TAS2R31: variants seen among roughly 807,000 people sequenced by gnomAD.
TAS2R31 encodes the protein taste 2 receptor member 31, also known as taste receptor type 2 member 31.
For missense variants in TAS2R31, 352 were observed against 347.4 expected (o/e 1.01, Z -0.10); for synonymous variants, 118 against 131.4 (o/e 0.90, Z 0.70).
In TAS2R31 at chr12:11,031,081, A is replaced by G. The variant is rs1283645972; in HGVS notation, c.255T>C (p.Tyr85=). The change falls in exon 1 of 1, where the codon TAT becomes TAC. Residue 85 remains tyrosine (Y), a synonymous_variant. Transcript: ENST00000390675. The part of the protein sequence containing the change: ...FYSVEVRTTA[Y]NVWAVTGHFS... ...AATGGCCGGTTACTGCCCAGACATT[A>G]TAAGCAGTAGTTCTTACTTCTACAC... The G allele has an allele frequency of 3.7e-6, 6 of 1,614,174 alleles. No individual in the cohort carries two copies. Among genetic ancestry groups the G allele is most frequent in the African/African-American group, 1.3e-5 (1 of 74,956 alleles).
chr12:11,031,277 C>T lies in TAS2R31; in HGVS notation c.59G>A (p.Gly20Glu). Reference protein sequence around the residue: ...SSVVVVLFVIGNFANGFIALV... With the variant: ...SSVVVVLFVIENFANGFIALV... ...TGCTATGAAGCCATTAGCAAAATTTCCAATAACAAATAGAACCACTACCAC... is the reference window on the plus strand; with the variant it reads ...TGCTATGAAGCCATTAGCAAAATTTTCAATAACAAATAGAACCACTACCAC... Residue 20 changes from glycine (G) to glutamate (E), a missense_variant, in exon 1 of 1, where the codon GGA (glycine) becomes GAA (glutamate). Physicochemically the swap from Gly to Glu is moderately conservative, Grantham distance 98 (BLOSUM62 -2). Transcript: ENST00000390675. 2 of 1,613,882 alleles carry T rather than the reference C, an allele frequency of 1.2e-6. No individual in the cohort carries two copies. Among genetic ancestry groups the T allele is most frequent in the Non-Finnish European group, 1.7e-6 (2 of 1,179,884 alleles).
In TAS2R31 at chr12:11,031,264, A is replaced by G. The variant is rs367891409; in HGVS notation, c.72T>C (p.Asn24=). Residue 24 remains asparagine, a synonymous_variant, in exon 1 of 1, where the codon AAT becomes AAC. Transcript: ENST00000390675. ...VVLFVIGNFA[N]GFIALVNSIE... ...TGGAATTTACCAATGCTATGAAGCC[A>G]TTAGCAAAATTTCCAATAACAAATA... is the stretch of plus-strand genomic sequence containing the variant. 191 of 1,613,960 alleles carry G rather than the reference A, an allele frequency of 1.2e-4. No individual in the cohort carries two copies. The highest frequency in any genetic ancestry group is 2.5e-4 in the Admixed American group (15 of 60,006).
rs774681705 is a variant in TAS2R31, at chr12:11,030,886, T to C, written c.450A>G (p.Lys150=). The change falls in exon 1 of 1, where the codon AAA becomes AAG. Residue 150 remains lysine (K), a synonymous_variant. Coordinates refer to ENST00000390675, the MANE Select transcript of TAS2R31 (RefSeq NM_176885.2). ...CATATTCTTTTGTCCGTACAATCTCTTTCATGTTTATCACAAAAAGTTGAC... is the reference window on the plus strand; with the variant it reads ...CATATTCTTTTGTCCGTACAATCTCCTTCATGTTTATCACAAAAAGTTGAC... ...LACQLFVINM[K]EIVRTKEYEG... is the part of the protein sequence containing the mutation. 4 of 1,475,780 alleles carry C rather than the reference T, an allele frequency of 2.7e-6. No individual in the cohort carries two copies. The highest frequency in any genetic ancestry group is 2.5e-5 in the East Asian group (1 of 39,328). The allele number at this position is 1,475,780 out of a possible 1,614,324, so 91.4% of individuals were successfully genotyped here.
chr12:11,030,434 AC>A, the TAS2R31 span: 1 of 1,614,204 alleles, frequency 6.2e-7, no homozygotes, highest in Non-Finnish European at 8.5e-7. Context: ...CTCTCCTTTC[AC>A]CCAGTACCTC....
At position 11,031,309 on chromosome 12, in the gene TAS2R31, A is replaced by G. The variant is rs746494102; in HGVS notation, c.27T>C (p.Phe9=). The G allele has an allele frequency of 6.2e-7, 1 of 1,613,660 alleles. No individual in the cohort carries two copies. Among genetic ancestry groups the G allele is most frequent in the South Asian group, 1.1e-5 (1 of 91,046 alleles). ...CAAATAGAACCACTACCACACTGGA[A>G]AAAATGATGGGTATAAAAGTTGTCA... MTTFIPII[F]SSVVVVLFVI... The change falls in exon 1 of 1, where the codon TTT becomes TTC. Residue 9 remains phenylalanine, a synonymous_variant. Coordinates refer to ENST00000390675, the MANE Select transcript of TAS2R31 (RefSeq NM_176885.2).
Position 11,030,395 on chromosome 12 carries a change from C to T in TAS2R31, c.*11G>A, listed in dbSNP as rs936733762. ...TTCTGCTAGAAGACACACAATGCCC[C>T]TCTCATGAATCTATGGAGATGAAGG... On this transcript the variant is annotated 3_prime_UTR_variant, in exon 1 of 1. Transcript: ENST00000390675. 3 of 1,609,658 alleles carry T rather than the reference C, an allele frequency of 1.9e-6. No individual in the cohort carries two copies. Among genetic ancestry groups the T allele is most frequent in the Non-Finnish European group, 2.5e-6 (3 of 1,178,076 alleles).
In TAS2R31 at chr12:11,031,337, T is replaced by C; in HGVS notation, c.-2A>G. On this transcript the variant is annotated 5_prime_UTR_variant, in exon 1 of 1. Transcript: ENST00000390675. ...AATGATGGGTATAAAAGTTGTCATGTCTGAACAGACAAAAAAAAATTGTTT... is the reference window on the plus strand; with the variant it reads ...AATGATGGGTATAAAAGTTGTCATGCCTGAACAGACAAAAAAAAATTGTTT... The C allele has an allele frequency of 1.2e-6, 2 of 1,610,804 alleles. No homozygotes were observed. The highest frequency in any genetic ancestry group is 1.7e-6 in the Non-Finnish European group (2 of 1,179,014).
Position 11,031,212 on chromosome 12 carries a change from A to G in TAS2R31, c.124T>C (p.Ser42Pro), listed in dbSNP as rs375751426. Residue 42 changes from serine to proline, a missense_variant, in exon 1 of 1, where the codon TCT (serine) becomes CCT (proline). Physicochemically the swap from Ser to Pro is moderately conservative, Grantham distance 74. Coordinates refer to ENST00000390675, the MANE Select transcript of TAS2R31 (RefSeq NM_176885.2). ...SIERVKRQKISFADQILTALA... is the reference protein window; with the variant it reads ...SIERVKRQKIPFADQILTALA... ...GCAGTGAGAATCTGGTCAGCAAAAG[A>G]GATCTTTTGTCTCTTGACCCGCTCA... The G allele has an allele frequency of 1.2e-6, 2 of 1,614,134 alleles. No homozygotes were observed. Among genetic ancestry groups the G allele is most frequent in the South Asian group, 2.2e-5 (2 of 91,070 alleles).
chr12:11,030,700 A>G lies in TAS2R31; in HGVS notation c.636T>C (p.His212=). 2 of 1,614,210 alleles carry G rather than the reference A, an allele frequency of 1.2e-6. No individual in the cohort carries two copies. The highest frequency in any genetic ancestry group is 1.7e-6 in the Non-Finnish European group (2 of 1,180,030). Reference sequence around the variant, plus strand: ...TGCTGGGATCTTGAGATCCTTTACCATGGAGCTGCATCTTCTTGAGATGTT... The same window carrying G: ...TGCTGGGATCTTGAGATCCTTTACCGTGGAGCTGCATCTTCTTGAGATGTT... ...LCKHLKKMQL[H]GKGSQDPSTK... Residue 212 remains histidine (H), a synonymous_variant, in exon 1 of 1, where the codon CAT becomes CAC. Coordinates refer to ENST00000390675, the MANE Select transcript of TAS2R31 (RefSeq NM_176885.2).
rs760229437 is a variant in TAS2R31, at chr12:11,030,795, T to C, written c.541A>G (p.Thr181Ala). Residue 181 changes from threonine to alanine, a missense_variant, in exon 1 of 1, where the codon ACG becomes GCG. Transcript: ENST00000390675. ...AVYLSDATVT[T>A]LGNLVPFTLT... ...GTGAAGGGCACTAAGTTTCCTAGCGTGGTTACAGTCGCATCTGAAAGGTAC... is the reference window on the plus strand; with the variant it reads ...GTGAAGGGCACTAAGTTTCCTAGCGCGGTTACAGTCGCATCTGAAAGGTAC... The C allele has an allele frequency of 2.5e-6, 4 of 1,614,188 alleles. No individual in the cohort carries two copies. The highest frequency in any genetic ancestry group is 3.4e-6 in the Non-Finnish European group (4 of 1,180,018).
At position 11,030,995 on chromosome 12, in the gene TAS2R31, G is replaced by C; in HGVS notation, c.341C>G (p.Ser114Cys). 1 of 1,614,292 alleles carries C rather than the reference G, an allele frequency of 6.2e-7. No homozygotes were observed. Among genetic ancestry groups the C allele is most frequent in the Non-Finnish European group, 8.5e-7 (1 of 1,180,058 alleles). Reference protein sequence around the residue: ...IFYLLKIANFSNLIFLHLKRR... With the variant: ...IFYLLKIANFCNLIFLHLKRR... The stretch of plus-strand genomic sequence containing the variant: ...CTTTAAGTGAAGAAAAATAAGGTTG[G>C]AGAAATTGGCAATCTTGAGCAAATA... Residue 114 changes from serine to cysteine, a missense_variant, in exon 1 of 1, where the codon TCC becomes TGC. Coordinates refer to ENST00000390675, the MANE Select transcript of TAS2R31 (RefSeq NM_176885.2).
At position 11,031,275 on chromosome 12, in the gene TAS2R31, T is replaced by A. The variant is rs1463129266; in HGVS notation, c.61A>T (p.Asn21Tyr). ...AATGCTATGAAGCCATTAGCAAAAT[T>A]TCCAATAACAAATAGAACCACTACC... ...SVVVVLFVIG[N>Y]FANGFIALVN... is the part of the protein sequence containing the mutation. The change falls in exon 1 of 1, where the codon AAT becomes TAT. Residue 21 changes from asparagine to tyrosine, a missense_variant. Physicochemically the swap from Asn to Tyr is moderately radical, Grantham distance 143. Transcript: ENST00000390675. The A allele has an allele frequency of 6.2e-7, 1 of 1,613,906 alleles. No homozygotes were observed. Among genetic ancestry groups the A allele is most frequent in the Non-Finnish European group, 8.5e-7 (1 of 1,179,876 alleles).
At position 11,031,299 on chromosome 12, in the gene TAS2R31, C is replaced by A; in HGVS notation, c.37G>T (p.Val13Leu). 3.1e-6 allele frequency: 5 copies of A among 1,613,196 alleles called. No homozygotes were observed. The highest frequency in any genetic ancestry group is 4.2e-6 in the Non-Finnish European group (5 of 1,179,652). ...TTTCCAATAACAAATAGAACCACTA[C>A]CACACTGGAAAAAATGATGGGTATA... ...TFIPIIFSSV[V>L]VVLFVIGNFA... Residue 13 changes from valine to leucine, a missense_variant, in exon 1 of 1, where the codon GTA becomes TTA. Physicochemically the swap from Val to Leu is conservative, Grantham distance 32. Coordinates refer to ENST00000390675, the MANE Select transcript of TAS2R31 (RefSeq NM_176885.2).
Position 11,030,509 on chromosome 12 carries a change from G to T in TAS2R31, c.827C>A (p.Pro276Gln), listed in dbSNP as rs12318612. The part of the protein sequence containing the change: ...AIRFSYPSIH[P>Q]FILIWGNKKL... ...CTTGTTTCCCCAAATCAGGATGAATGGGTGGATTGAAGGATAGCTGAATCT... is the reference window on the plus strand; with the variant it reads ...CTTGTTTCCCCAAATCAGGATGAATTGGTGGATTGAAGGATAGCTGAATCT... The change falls in exon 1 of 1, where the codon CCA becomes CAA. Residue 276 changes from proline to glutamine, a missense_variant. Transcript: ENST00000390675. 1.2e-6 allele frequency: 2 copies of T among 1,609,796 alleles called. No individual in the cohort carries two copies. The highest frequency in any genetic ancestry group is 1.7e-6 in the Non-Finnish European group (2 of 1,176,344).
chr12:11,030,777 G>A lies in TAS2R31; in HGVS notation c.559C>T (p.Pro187Ser), dbSNP rs747080570. 7.6e-5 allele frequency: 123 copies of A among 1,614,058 alleles called. No individual in the cohort carries two copies. The highest frequency in any genetic ancestry group is 1.0e-4 in the Non-Finnish European group (120 of 1,180,040). ...AAACATAGCAGGGTCAGAGTGAAGG[G>A]CACTAAGTTTCCTAGCGTGGTTACA... ...ATVTTLGNLV[P>S]FTLTLLCFLL... Residue 187 changes from proline (P) to serine (S), a missense_variant, in exon 1 of 1, where the codon CCC becomes TCC. Physicochemically the swap from Pro to Ser is moderately conservative, Grantham distance 74. Coordinates refer to ENST00000390675, the MANE Select transcript of TAS2R31 (RefSeq NM_176885.2).
rs760444623 is a variant in TAS2R31, at chr12:11,031,194, G to A, written c.142C>T (p.Leu48Phe). 2.6e-6 allele frequency: 4 copies of A among 1,510,784 alleles called. No individual in the cohort carries two copies. Among genetic ancestry groups the A allele is most frequent in the East Asian group, 2.5e-5 (1 of 40,578 alleles). 93.6% of individuals were successfully genotyped at this position (1,510,784 alleles called of 1,614,324 possible). ...RQKISFADQI[L>F]TALAVSRVGL... Reference sequence around the variant, plus strand: ...ACTCTGGAGACCGCCAGAGCAGTGAGAATCTGGTCAGCAAAAGAGATCTTT... The same window carrying A: ...ACTCTGGAGACCGCCAGAGCAGTGAAAATCTGGTCAGCAAAAGAGATCTTT... Residue 48 changes from leucine to phenylalanine, a missense_variant, in exon 1 of 1, where the codon CTC becomes TTC. By Grantham distance (22) the Leu-to-Phe change is conservative. Coordinates refer to ENST00000390675, the MANE Select transcript of TAS2R31 (RefSeq NM_176885.2).
chr12:11,031,277 C>A lies in TAS2R31; in HGVS notation c.59G>T (p.Gly20Val). Reference sequence around the variant, plus strand: ...TGCTATGAAGCCATTAGCAAAATTTCCAATAACAAATAGAACCACTACCAC... The same window carrying A: ...TGCTATGAAGCCATTAGCAAAATTTACAATAACAAATAGAACCACTACCAC... ...SSVVVVLFVI[G>V]NFANGFIALV... Residue 20 changes from glycine (G) to valine (V), a missense_variant, in exon 1 of 1, where the codon GGA (glycine) becomes GTA (valine). Gly to Val is a moderately radical substitution (Grantham distance 109). Transcript: ENST00000390675. The A allele has an allele frequency of 6.2e-7, 1 of 1,613,882 alleles. No individual in the cohort carries two copies. The highest frequency in any genetic ancestry group is 1.1e-5 in the South Asian group (1 of 91,070).
Position 11,030,640 on chromosome 12 carries a change from G to T in TAS2R31, c.696C>A (p.Ile232=), listed in dbSNP as rs1157772263. The change falls in exon 1 of 1, where the codon ATC becomes ATA. Residue 232 remains isoleucine, a synonymous_variant. Transcript: ENST00000390675. ...AAACGGCACATAACAAGAGGAAAAA[G>T]ATCACAGTTTGCAAAGCTTTTATGT... ...KVHIKALQTV[I]FFLLLCAVYF... is the part of the protein sequence containing the mutation. The T allele has an allele frequency of 2.5e-6, 4 of 1,614,176 alleles. No homozygotes were observed. Among genetic ancestry groups the T allele is most frequent in the South Asian group, 1.1e-5 (1 of 91,078 alleles).
rs1248451253 is a variant in TAS2R31 at position 11,031,389 on chromosome 12, GT to G, written c.-55del. ...AATGCTGGTGTTGTGTCCGGAGTTG[GT>G]TCCTGCAGGTGGGTTCGTGGTCTCC... On this transcript the variant is annotated 5_prime_UTR_variant, in exon 1 of 1. Coordinates refer to ENST00000390675, the MANE Select transcript of TAS2R31 (RefSeq NM_176885.2). The G allele has an allele frequency of 6.3e-7, 1 of 1,581,758 alleles. No homozygotes were observed. The highest frequency in any genetic ancestry group is 8.6e-7 in the Non-Finnish European group (1 of 1,165,776).
Sources: allele counts gnomAD v4.1 joint callset, GRCh38; gene constraint gnomAD v4.1.1; transcripts MANE v1.5; gene names NCBI Gene and HGNC (gene_info 2026-07-23, HGNC 2026-07-21).